MNAT1: variants seen among roughly 807,000 people sequenced by gnomAD.
MNAT1 encodes CDK-activating kinase assembly factor MAT1.
Under a neutral mutation model 42.0 loss-of-function variants are expected in MNAT1, and 43 were observed. The ratio of observed to expected loss-of-function variants is 1.02; its 90% CI spans 0.80 to 1.32. The LOEUF (loss-of-function observed/expected upper bound fraction) is 1.32. Ranked by LOEUF, MNAT1 falls within the 40% of genes most tolerant of loss-of-function variation. The pLI, the probability that MNAT1 is intolerant of heterozygous loss-of-function variation, is 0.00. For missense variants in MNAT1, 306 were observed against 350.4 expected, an observed-to-expected ratio of 0.87 and a Z score of 1.01; for synonymous variants, 118 against 120.0, an observed-to-expected ratio of 0.98 and a Z score of 0.11.
intron 6 of MNAT1, among the ~76,000 whole-genome samples, chr14:60,859,207 G>A (rs1232664463): frequency 6.6e-6 from 1 of 152,158 alleles, no homozygotes; most frequent in African/African-American, 2.4e-5. Flanking sequence ...GGAGACCCAG[G>A]CATATCTCTT....
chr14:60,828,116 G>A (rs765797719), intron 6 of MNAT1, among the ~76,000 whole-genome samples: 9 of 152,030 alleles, frequency 5.9e-5, no homozygotes, highest in African/African-American at 9.7e-5. Flanking sequence ...AAAACAGGTC[G>A]TCCTTATTAT....
At chr14:60,746,408 G>T (rs527959217) in intron 1 of MNAT1, among the ~76,000 whole-genome samples, 1 of 151,658 alleles carries the variant, frequency 6.6e-6, no homozygotes, top group African/African-American at 2.4e-5. Context: ...CCAGCTACTC[G>T]GGAGGATGAG....
At chr14:60,775,395 C>T (rs2031212486) in intron 1 of MNAT1, among the ~76,000 whole-genome samples, 1 of 152,080 alleles carries the variant, frequency 6.6e-6, no homozygotes, top group South Asian at 2.1e-4. Context: ...GAGAATGGGA[C>T]ATAGCAGTAT....
intron 7 of MNAT1, 40 bp downstream of exon 7, chr14:60,879,875 G>A (rs1283885856): frequency 5.6e-6 from 9 of 1,595,948 alleles, no homozygotes; most frequent in Non-Finnish European, 7.7e-6. Flanking sequence ...GAGCTGATAT[G>A]TGGGACTTAT....
chr14:60,819,151 A>G (rs927207359), intron 6 of MNAT1, among the ~76,000 whole-genome samples: 1 of 152,058 alleles, frequency 6.6e-6, no homozygotes, highest in Non-Finnish European at 1.5e-5. Flanking sequence ...AGTAGTTACC[A>G]TCTGCAGATA....
At chr14:60,895,793 GA>G (rs1307386935) in intron 7 of MNAT1, among the ~76,000 whole-genome samples, 3 of 151,992 alleles carry the variant, frequency 2.0e-5, no homozygotes, top group Non-Finnish European at 4.4e-5. Flanking sequence ...CAAAACAAAA[GA>G]AATCATCTCG....
chr14:60,808,405 A>G lies in MNAT1; in HGVS notation c.397A>G (p.Ile133Val). The G allele has an allele frequency of 1.3e-6, 2 of 1,562,864 alleles. No homozygotes were observed. The highest frequency in any genetic ancestry group is 1.7e-6 in the Non-Finnish European group (2 of 1,155,074). ...ATACCAAAAGGAAAACAAAGATGTTATTCAGAAAAATAAATTAAAGCTGGT... is the reference window on the plus strand; with the variant it reads ...ATACCAAAAGGAAAACAAAGATGTTGTTCAGAAAAATAAATTAAAGCTGGT... ...EIYQKENKDV[I>V]QKNKLKLTRE... The change falls in exon 4 of 8, where the codon ATT (isoleucine) becomes GTT (valine). Residue 133 changes from isoleucine (I) to valine (V), a missense_variant. This residue lies in a region of MNAT1 where 118 missense variants were observed against 99.8 expected (regional missense o/e 1.18). Transcript: ENST00000261245.
rs555017007 is a variant in MNAT1 at position 60,953,845 on chromosome 14, T to C, written c.810-14384T>C. On this transcript the variant is annotated intron_variant, in intron 7 of 7. Transcript: ENST00000261245. ...CTAACAGGTGTGAGGTGATACCTCA[T>C]TGTGATTTTAATTTGTTTTGCCTGG... Among the ~76,000 whole-genome samples the C allele has an allele frequency of 7.4e-4, 113 of 152,260 alleles. No individual in the cohort carries two copies. The South Asian group carries it at 0.014, about 18-fold the overall frequency.
intron 6 of MNAT1, among the ~76,000 whole-genome samples, chr14:60,833,264 A>G (rs762399519): frequency 2.0e-5 from 3 of 152,184 alleles, no homozygotes; most frequent in African/African-American, 4.8e-5. Flanking sequence ...CCAGTTTTCA[A>G]AGGGAATTCT....
chr14:60,963,021 G>A (rs558309854), intron 7 of MNAT1, among the ~76,000 whole-genome samples: 8 of 151,960 alleles, frequency 5.3e-5, no homozygotes, highest in East Asian at 3.9e-4. Flanking sequence ...TCGCTCTGTC[G>A]CCCAGGCTGG....
intron 1 of MNAT1, among the ~76,000 whole-genome samples, chr14:60,745,292 A>T (rs1490405692): frequency 6.6e-6 from 1 of 152,212 alleles, no homozygotes; most frequent in Non-Finnish European, 1.5e-5. Flanking sequence ...ATGGTTGCTC[A>T]TGGTGGGAAG....
At chr14:60,910,227 G>A (rs908027863) in intron 7 of MNAT1, among the ~76,000 whole-genome samples, 10 of 152,148 alleles carry the variant, frequency 6.6e-5, no homozygotes, top group South Asian at 2.1e-4. Context: ...ATTTTGGGCC[G>A]AGATGATGGG....
chr14:60,839,152 C>G (rs1314511742), intron 6 of MNAT1, among the ~76,000 whole-genome samples: 2 of 152,166 alleles, frequency 1.3e-5, no homozygotes, highest in Non-Finnish European at 2.9e-5. Flanking sequence ...AGCCTGGGGC[C>G]TGGCCTGTCA....
intron 3 of MNAT1, among the ~76,000 whole-genome samples, chr14:60,804,338 A>G (rs1253235750): frequency 6.6e-6 from 1 of 152,214 alleles, no homozygotes; most frequent in Non-Finnish European, 1.5e-5. Flanking sequence ...GACCTGCTTC[A>G]TCTGAAAACT....
chr14:60,961,552 G>T (rs1184268199), intron 7 of MNAT1, among the ~76,000 whole-genome samples: 1 of 152,074 alleles, frequency 6.6e-6, no homozygotes, highest in Non-Finnish European at 1.5e-5. Context: ...AGGGAAACCT[G>T]TTCTGATCTT....
At chr14:60,841,934 G>A (rs932443740) in intron 6 of MNAT1, among the ~76,000 whole-genome samples, 1 of 152,152 alleles carries the variant, frequency 6.6e-6, no homozygotes, top group African/African-American at 2.4e-5. Flanking sequence ...GTTTCTGTAT[G>A]AGCTTTGAGA....
intron 6 of MNAT1, among the ~76,000 whole-genome samples, chr14:60,852,014 G>C (rs1323311014): frequency 6.6e-6 from 1 of 152,090 alleles, no homozygotes; most frequent in Non-Finnish European, 1.5e-5. Flanking sequence ...ATAAACATAC[G>C]TGTGCATGTG....
intron 5 of MNAT1, among the ~76,000 whole-genome samples, chr14:60,815,429 C>A (rs2032681877): frequency 6.6e-6 from 1 of 152,240 alleles, no homozygotes; most frequent in East Asian, 1.9e-4. Flanking sequence ...CTTGGCCAGG[C>A]TGGTCATGAA....
chr14:60,839,844 G>A (rs2033496290), intron 6 of MNAT1, among the ~76,000 whole-genome samples: 1 of 152,226 alleles, frequency 6.6e-6, no homozygotes, highest in South Asian at 2.1e-4. Context: ...GCCTGGCTGT[G>A]CGCTCTTGCC....
Sources: gnomAD v4.1 joint callset for allele counts (sites outside exome capture counted in the v4.1 genomes callset) on GRCh38, gnomAD v4.1.1 for gene constraint, gnomAD v4.1.1 regional missense constraint, MANE v1.5 for transcripts, NCBI Gene and HGNC (gene_info 2026-07-23, HGNC 2026-07-21) for gene names.